The following TMEM71 variants were observed in gnomAD, a reference collection of about 807,000 sequenced individuals.
The protein encoded by TMEM71 is transmembrane protein 71.
TMEM71 carries 44 observed loss-of-function variants against 38.0 expected under a neutral mutation model. That is an observed-to-expected ratio of 1.16 (90% confidence interval 0.91 to 1.49). The LOEUF is 1.49. Among genes scored for constraint, TMEM71 ranks in the 40% most tolerant of loss-of-function variants. The probability of loss-of-function intolerance (pLI) is 0.00; values close to 1 mark genes in which losing one functional copy is unlikely to be tolerated. For missense variants in TMEM71, 367 were observed against 348.6 expected (o/e 1.05, Z -0.42); for synonymous variants, 133 against 122.5 (o/e 1.09, Z -0.56).
chr8:132,736,237 A>G (rs1210757446), intron 5 of TMEM71, among the ~76,000 whole-genome samples: 1 of 152,158 alleles, frequency 6.6e-6, no homozygotes. Context: ...CTTAGAAAAC[A>G]TTGCTTTAGA....
intron 3 of TMEM71, 81 bp from the exon 4 acceptor site, chr8:132,752,078 G>A: frequency 5.3e-6 from 6 of 1,123,078 alleles, no homozygotes; most frequent in Non-Finnish European, 7.9e-6. Flanking sequence ...TCACTGTGAA[G>A]GAAAATAACA....
chr8:132,751,736 A>T, intron 4 of TMEM71, 49 bp downstream of exon 4: 1 of 1,514,426 alleles, frequency 6.6e-7, no homozygotes, highest in Non-Finnish European at 9.2e-7. Context: ...ATAAACAATT[A>T]ATGGATGGAT....
intron 4 of TMEM71, among the ~76,000 whole-genome samples, chr8:132,748,140 C>A (rs572457550): frequency 1.3e-5 from 2 of 152,230 alleles, no homozygotes; most frequent in Non-Finnish European, 2.9e-5. Flanking sequence ...TTTCCCATCA[C>A]AGGCAAGGTG....
chr8:132,734,175 C>T (rs774176277), intron 5 of TMEM71, among the ~76,000 whole-genome samples: 9 of 151,890 alleles, frequency 5.9e-5, no homozygotes, highest in Middle Eastern at 3.4e-3. Context: ...CACACACACA[C>T]GCATACACAT....
At chr8:132,769,563 A>C in the TMEM71 span, among the ~76,000 whole-genome samples, 6 of 152,176 alleles carry the variant, frequency 3.9e-5, no homozygotes, top group Admixed American at 6.5e-5. Context: ...TGGTACTTGG[A>C]AGTGGGGCCT....
chr8:132,748,178 A>T (rs527591857), intron 4 of TMEM71, among the ~76,000 whole-genome samples: 1 of 152,362 alleles, frequency 6.6e-6, no homozygotes, highest in South Asian at 2.1e-4. Flanking sequence ...CCATCACAAA[A>T]TTCTGCTCTT....
intron 3 of TMEM71, among the ~76,000 whole-genome samples, chr8:132,752,903 A>G (rs904869696): frequency 6.6e-6 from 1 of 151,710 alleles, no homozygotes; most frequent in East Asian, 1.9e-4. Flanking sequence ...ACATGGCCCT[A>G]TAATTGAAAG....
intron 7 of TMEM71, among the ~76,000 whole-genome samples, chr8:132,715,484 A>AAAGT (rs1209580075): frequency 6.6e-6 from 1 of 151,624 alleles, no homozygotes; most frequent in Non-Finnish European, 1.5e-5. Flanking sequence ...CCTTGCTTAC[A>AAAGT]AAGTTAAACA....
intron 2 of TMEM71, 76 bp from the exon 3 acceptor site, chr8:132,757,370 T>C: frequency 1.0e-5 from 11 of 1,101,982 alleles, no homozygotes; most frequent in Non-Finnish European, 1.4e-5. Flanking sequence ...CATGTATCAA[T>C]ATGTATAATT....
chr8:132,729,680 G>T (rs1203617485), intron 5 of TMEM71, among the ~76,000 whole-genome samples: 3 of 152,334 alleles, frequency 2.0e-5, no homozygotes, highest in South Asian at 2.1e-4. Context: ...GCCAAAAGGG[G>T]TGGGGAGAGG....
chr8:132,727,712 G>A, intron 6 of TMEM71, 86 bp downstream of exon 6: 2 of 1,259,130 alleles, frequency 1.6e-6, no homozygotes, highest in Non-Finnish European at 2.2e-6. Flanking sequence ...GCTCCTAACT[G>A]CATTTTAGTC....
At chr8:132,737,183 G>A (rs1246400062) in intron 5 of TMEM71, among the ~76,000 whole-genome samples, 1 of 152,178 alleles carries the variant, frequency 6.6e-6, no homozygotes, top group Non-Finnish European at 1.5e-5. Context: ...AGTCGTGATT[G>A]CATGGCCTCC....
upstream of TMEM71, among the ~76,000 whole-genome samples, chr8:132,764,348 A>G (rs1298533844): frequency 1.3e-5 from 2 of 151,922 alleles, no homozygotes; most frequent in Non-Finnish European, 2.9e-5. Context: ...CCATGCCAAC[A>G]TGCCAAAGTC....
chr8:132,738,858 G>GCACACA (rs10531257), intron 5 of TMEM71, among the ~76,000 whole-genome samples: 17 of 150,518 alleles, frequency 1.1e-4, no homozygotes, highest in African/African-American at 4.2e-4. Context: ...AGTATTACAT[G>GCACACA]CACACACACA....
intron 4 of TMEM71, among the ~76,000 whole-genome samples, chr8:132,750,936 C>A (rs563439131): frequency 3.9e-5 from 6 of 152,152 alleles, no homozygotes; most frequent in African/African-American, 9.7e-5. Context: ...TATTTCCCCA[C>A]CTTTACTGTT....
In TMEM71 at chr8:132,714,046, T is replaced by G. The variant is rs1242466933; in HGVS notation, c.821A>C (p.Lys274Thr). 6.2e-7 allele frequency: 1 copy of G among 1,614,122 alleles called. No homozygotes were observed. Among genetic ancestry groups the G allele is most frequent in the Admixed American group, 1.7e-5 (1 of 60,024 alleles). ...GCTGGCAAGGCTGAGAAACAATGAT[T>G]TCACATCTTGAGTGAAACAGAGAAA... ...CSLMITVAYVKSLFLSLASYF... is the reference protein window; with the variant it reads ...CSLMITVAYVTSLFLSLASYF... Residue 274 changes from lysine to threonine, a missense_variant, in exon 9 of 10, where the codon AAA becomes ACA. By Grantham distance (78) the Lys-to-Thr change is moderately conservative. Transcript: ENST00000677595.
In TMEM71 at chr8:132,724,212, G is replaced by A. The variant is rs1052007582; in HGVS notation, c.677-2097C>T. Among the ~76,000 whole-genome samples the A allele has an allele frequency of 5.3e-5, 8 of 152,176 alleles. No individual in the cohort carries two copies. The South Asian group carries it at 8.3e-4, about 16-fold the overall frequency. On this transcript the variant is annotated intron_variant, in intron 6 of 9. Coordinates refer to ENST00000677595, the MANE Select transcript of TMEM71 (RefSeq NM_001382403.1). ...AACATCTTAACAGAAAACAGAGTTC[G>A]AGAGCAGAGAACCGGTCTGACCTCA... is the stretch of plus-strand genomic sequence containing the variant.
At chr8:132,732,087 A>C (rs752400259) in intron 5 of TMEM71, among the ~76,000 whole-genome samples, 4 of 152,332 alleles carry the variant, frequency 2.6e-5, no homozygotes, top group Non-Finnish European at 5.9e-5. Context: ...GGAAGAAGGA[A>C]GTCAAATTAG....
intron 5 of TMEM71, among the ~76,000 whole-genome samples, chr8:132,744,026 T>A (rs1426366436): frequency 1.3e-5 from 2 of 152,316 alleles, no homozygotes; most frequent in East Asian, 1.9e-4. Context: ...TCATATAATT[T>A]TTTTTCATGG....
Sources: gnomAD v4.1 joint callset for allele counts (sites outside exome capture counted in the v4.1 genomes callset) on GRCh38, gnomAD v4.1.1 for gene constraint, MANE v1.5 for transcripts, NCBI Gene and HGNC (gene_info 2026-07-23, HGNC 2026-07-21) for gene names.